CFAP54: variants seen among roughly 807,000 people sequenced by gnomAD.
CFAP54 encodes cilia- and flagella-associated protein 54.
CFAP54 carries 290 observed loss-of-function variants against 370.4 expected under a neutral mutation model. The observed-to-expected ratio is 0.78, with a 90% confidence interval of 0.71 to 0.86. The LOEUF (loss-of-function observed/expected upper bound fraction) is 0.86, where lower values mean the gene tolerates loss of function less well. CFAP54 is among the 40% of genes least tolerant of loss of function. CFAP54 has a pLI of 0.00. For synonymous variants in CFAP54, 1,206 were observed against 1,236.5 expected (o/e 0.98, Z 0.52); for missense variants, 3,399 against 3,528.7 (o/e 0.96, Z 0.93).
Position 96,586,846 on chromosome 12 carries a change from G to C in CFAP54, c.3076-2581G>C, listed in dbSNP as rs201057780. On this transcript the variant is annotated intron_variant, in intron 22 of 67. Transcript: ENST00000524981. ...CTGTTTTTAAAGGTTCACCCTGGCT[G>C]CTACATTGGAAATAGAACGTAAGGG... 3.3e-5 allele frequency among the ~76,000 whole-genome samples: 5 copies of C among 152,310 alleles called. No individual in the cohort carries two copies. In the East Asian group the frequency reaches 9.6e-4, roughly 29 times the overall value.
chr12:96,571,870 G>T (rs576826400), intron 19 of CFAP54, among the ~76,000 whole-genome samples: 2 of 152,266 alleles, frequency 1.3e-5, no homozygotes, highest in South Asian at 4.1e-4. Context: ...TTTTTAACTA[G>T]CCTTAGGGTT....
chr12:96,607,679 A>T (rs1207371623), intron 26 of CFAP54, among the ~76,000 whole-genome samples: 1 of 152,242 alleles, frequency 6.6e-6, no homozygotes, highest in Non-Finnish European at 1.5e-5. Flanking sequence ...ATAAGAATAC[A>T]TATGGAAATA....
chr12:96,524,435 A>G (rs971707703), intron 8 of CFAP54, among the ~76,000 whole-genome samples: 1 of 152,208 alleles, frequency 6.6e-6, no homozygotes, highest in Non-Finnish European at 1.5e-5. Flanking sequence ...CTCAGTAAAT[A>G]TTAGCTATCA....
At chr12:96,588,918 C>A (rs1221859564) in intron 22 of CFAP54, among the ~76,000 whole-genome samples, 1 of 152,148 alleles carries the variant, frequency 6.6e-6, no homozygotes, top group East Asian at 1.9e-4. Context: ...TGGAAAGCTT[C>A]TCTGTTTTAT....
intron 62 of CFAP54, among the ~76,000 whole-genome samples, chr12:96,791,859 T>C (rs527852188): frequency 3.3e-4 from 50 of 151,192 alleles, no homozygotes; most frequent in African/African-American, 1.1e-3. Context: ...TTCTTTTTTT[T>C]TTTTTTTTGA....
chr12:96,841,807 AC>A (rs1437991175), intron 66 of CFAP54, among the ~76,000 whole-genome samples: 2 of 152,236 alleles, frequency 1.3e-5, no homozygotes, highest in African/African-American at 4.8e-5. Flanking sequence ...ATCTTGGTTG[AC>A]AAAAACATAG....
chr12:96,743,946 T>G (rs1958082430), intron 54 of CFAP54, 36 bp downstream of exon 54: 2 of 1,601,316 alleles, frequency 1.2e-6, no homozygotes, highest in Admixed American at 1.7e-5. Context: ...ACATAGAAAC[T>G]TACTTTTCTC....
chr12:96,759,030 T>G (rs1419993504), intron 58 of CFAP54, among the ~76,000 whole-genome samples: 5 of 152,116 alleles, frequency 3.3e-5, no homozygotes, highest in Non-Finnish European at 2.9e-5. Context: ...TTCATCCTTA[T>G]TGAATAATCA....
chr12:96,759,350 G>A (rs539748885), intron 58 of CFAP54, among the ~76,000 whole-genome samples: 63 of 151,904 alleles, frequency 4.1e-4, no homozygotes, highest in African/African-American at 1.5e-3. Context: ...AGGATGCTAG[G>A]ATGATAATAT....
Position 96,621,875 on chromosome 12 carries a change from G to GTTTGTTTTTTTTTTTTTT in CFAP54, c.3771+157_3771+158insGTTTTTTTTTTTTTTTTT, listed in dbSNP as rs1956496257. On this transcript the variant is annotated intron_variant, in intron 27 of 67. Transcript: ENST00000524981. ...ATTATAGTAAAGAGCTTTTGGGTTT[G>GTTTGTTTTTTTTTTTTTT]TTTTTTTTTTTTTTTTTTTTTTTTT... Among the ~76,000 whole-genome samples the GTTTGTTTTTTTTTTTTTT allele has an allele frequency of 5.2e-4, 26 of 50,038 alleles. 1 individual carries two copies. The highest frequency in any genetic ancestry group is 8.4e-4 in the East Asian group (1 of 1,186). The allele number at this position is 50,038 out of a possible 152,430, so 32.8% of individuals were successfully genotyped here. A position where few individuals can be genotyped will look rare whatever the true frequency, so the allele number is the denominator to read the frequency against.
intron 60 of CFAP54, among the ~76,000 whole-genome samples, chr12:96,765,474 C>A (rs1460419591): frequency 6.6e-6 from 1 of 152,124 alleles, no homozygotes. Context: ...ACATCTGTTT[C>A]TTTTCCAGTT....
At chr12:96,664,715 CTATATA>C (rs376299898) in intron 39 of CFAP54, among the ~76,000 whole-genome samples, 37,018 of 66,558 alleles carry the variant, frequency 0.56, 7,558 homozygotes, top group Middle Eastern at 0.59. Flanking sequence ...ATATATATAT[CTATATA>C]TATCTATATA....
At chr12:96,716,379 C>T (rs899799095) in intron 48 of CFAP54, among the ~76,000 whole-genome samples, 3 of 152,218 alleles carry the variant, frequency 2.0e-5, no homozygotes, top group Admixed American at 6.5e-5. Context: ...TTGAAAGGAT[C>T]TGCATTTTGA....
chr12:96,536,631 T>C (rs1286611859), intron 12 of CFAP54, among the ~76,000 whole-genome samples: 1 of 55,802 alleles, frequency 1.8e-5, no homozygotes, highest in East Asian at 3.2e-4. Flanking sequence ...TTTTTCTTTT[T>C]TTTTTTTTTT....
At chr12:96,729,142 TGAG>T (rs1223636935) in intron 50 of CFAP54, among the ~76,000 whole-genome samples, 4 of 151,982 alleles carry the variant, frequency 2.6e-5, no homozygotes, top group Non-Finnish European at 5.9e-5. Flanking sequence ...GGGACCCACT[TGAG>T]GAGGCAGTCT....
At chr12:96,664,619 C>CGT (rs1244496174) in intron 39 of CFAP54, among the ~76,000 whole-genome samples, 16 of 56,376 alleles carry the variant, frequency 2.8e-4, no homozygotes, top group East Asian at 5.5e-4. Flanking sequence ...TTACCAAGAA[C>CGT]GTATGTGTGT....
At chr12:96,504,998 C>CCCTTTCTTTCTTCTTTCTT in intron 3 of CFAP54, among the ~76,000 whole-genome samples, 8 of 95,676 alleles carry the variant, frequency 8.4e-5, no homozygotes, top group Non-Finnish European at 1.8e-4. Flanking sequence ...CTTTCTTTTT[C>CCCTTTCTTTCTTCTTTCTT]TTTCTTTCTT....
intron 63 of CFAP54, among the ~76,000 whole-genome samples, chr12:96,810,004 T>A (rs1958915504): frequency 6.6e-6 from 1 of 152,146 alleles, no homozygotes; most frequent in Non-Finnish European, 1.5e-5. Flanking sequence ...CCTCTCTGAT[T>A]TAACATAAGC....
intron 4 of CFAP54, 58 bp downstream of exon 4, chr12:96,507,157 A>G: frequency 7.7e-7 from 1 of 1,301,126 alleles, no homozygotes; most frequent in Non-Finnish European, 1.0e-6. Context: ...CTTCAATGCT[A>G]AGTTTGACAG....
Sources: gnomAD v4.1 joint callset for allele counts (sites outside exome capture counted in the v4.1 genomes callset) on GRCh38, gnomAD v4.1.1 for gene constraint, MANE v1.5 for transcripts, NCBI Gene and HGNC (gene_info 2026-07-23, HGNC 2026-07-21) for gene names.